The following LRMDA variants were observed in gnomAD, a reference collection of about 807,000 sequenced individuals.
The protein encoded by LRMDA is leucine-rich melanocyte differentiation-associated protein.
A neutral mutation model predicts 29.8 loss-of-function variants in LRMDA; 18 were observed. The observed-to-expected ratio is 0.60, with a 90% CI of 0.42 to 0.90. The LOEUF (loss-of-function observed/expected upper bound fraction) is 0.90. LRMDA is among the 40% of genes least tolerant of loss of function. LRMDA has a pLI of 0.00. For synonymous variants in LRMDA, 125 were observed against 109.4 expected (o/e 1.14, Z -0.89); for missense variants, 273 against 273.9 (o/e 1.00, Z 0.02).
intron 6 of LRMDA, among the ~76,000 whole-genome samples, chr10:76,418,221 G>A (rs1842036901): frequency 1.3e-5 from 2 of 151,998 alleles, no homozygotes; most frequent in African/African-American, 4.8e-5. Flanking sequence ...AATTTGTGAA[G>A]GATTGATATG....
intron 2 of LRMDA, among the ~76,000 whole-genome samples, chr10:75,523,141 A>G (rs2915023): frequency 0.8 from 121,352 of 152,178 alleles, 49,928 homozygotes; most frequent in Non-Finnish European, 0.9. Flanking sequence ...AAGCAAATGG[A>G]GTAATGTGGG....
intron 2 of LRMDA, among the ~76,000 whole-genome samples, chr10:75,832,164 G>C (rs563146785): frequency 1.3e-5 from 2 of 152,192 alleles, no homozygotes; most frequent in East Asian, 3.9e-4. Flanking sequence ...ACAAATTTTC[G>C]AAATTTTAAT....
intron 2 of LRMDA, among the ~76,000 whole-genome samples, chr10:75,751,534 C>T (rs1053319862): frequency 6.6e-6 from 1 of 152,036 alleles, no homozygotes; most frequent in African/African-American, 2.4e-5. Context: ...TTTTGTCATC[C>T]GTAAAATGAG....
At chr10:75,611,195 T>C (rs1046482754) in intron 2 of LRMDA, among the ~76,000 whole-genome samples, 1 of 152,052 alleles carries the variant, frequency 6.6e-6, no homozygotes, top group Non-Finnish European at 1.5e-5. Flanking sequence ...TCTGGACAGG[T>C]CCTGTGTAGC....
intron 5 of LRMDA, among the ~76,000 whole-genome samples, chr10:76,145,011 G>A (rs1052974859): frequency 3.3e-5 from 5 of 152,178 alleles, no homozygotes; most frequent in African/African-American, 7.2e-5. Context: ...ATTTGCATAT[G>A]TTGAACCAGC....
intron 2 of LRMDA, among the ~76,000 whole-genome samples, chr10:75,464,682 AC>A (rs376767558): frequency 2.0e-5 from 3 of 152,168 alleles, no homozygotes; most frequent in African/African-American, 7.2e-5. Flanking sequence ...CTCCTGGCAC[AC>A]TGCTGTGGAG....
At chr10:75,738,143 C>G (rs902315733) in intron 2 of LRMDA, among the ~76,000 whole-genome samples, 1 of 152,106 alleles carries the variant, frequency 6.6e-6, no homozygotes, top group Non-Finnish European at 1.5e-5. Flanking sequence ...GCCCTCTAAC[C>G]CCCTGGGGTA....
chr10:76,229,837 G>A (rs1852026972), intron 5 of LRMDA, among the ~76,000 whole-genome samples: 1 of 152,228 alleles, frequency 6.6e-6, no homozygotes, highest in East Asian at 1.9e-4. Flanking sequence ...TACTGAAGTT[G>A]TACGCATGCT....
intron 2 of LRMDA, among the ~76,000 whole-genome samples, chr10:76,015,846 A>G (rs547542031): frequency 6.6e-6 from 1 of 152,328 alleles, no homozygotes; most frequent in East Asian, 1.9e-4. Context: ...AACTTCTATT[A>G]CCAACTCCTC....
chr10:76,114,912 A>T (rs1274919604), intron 5 of LRMDA, among the ~76,000 whole-genome samples: 1 of 152,204 alleles, frequency 6.6e-6, no homozygotes, highest in African/African-American at 2.4e-5. Flanking sequence ...TTCAAACAGG[A>T]TACGAATGAA....
At chr10:76,020,629 G>A (rs1024491515) in intron 2 of LRMDA, among the ~76,000 whole-genome samples, 2 of 152,140 alleles carry the variant, frequency 1.3e-5, no homozygotes, top group African/African-American at 4.8e-5. Context: ...TGCTCAGGGG[G>A]CCCTGGGTAT....
At chr10:75,494,493 A>G (rs1282086535) in intron 2 of LRMDA, among the ~76,000 whole-genome samples, 1 of 151,210 alleles carries the variant, frequency 6.6e-6, no homozygotes, top group East Asian at 1.9e-4. Flanking sequence ...ACCAGCCGCT[A>G]AAACAAGGTT....
rs144041658 is a variant in LRMDA at position 76,382,403 on chromosome 10, G to C, written c.601+57918G>C. Among the ~76,000 whole-genome samples, 472 of 152,266 alleles carry C rather than the reference G, an allele frequency of 3.1e-3. 4 individuals carry two copies. Among genetic ancestry groups the C allele is most frequent in the African/African-American group, 0.011 (442 of 41,552 alleles). ...AACACCAACCCAAAGACAATCACTT[G>C]GTGGCCATCGTATTGCAAAAGAAGC... On this transcript the variant is annotated intron_variant, in intron 6 of 6. Coordinates refer to ENST00000611255, the MANE Select transcript of LRMDA (RefSeq NM_001305581.2).
At chr10:75,850,694 T>C (rs1424898094) in intron 2 of LRMDA, among the ~76,000 whole-genome samples, 1 of 152,194 alleles carries the variant, frequency 6.6e-6, no homozygotes, top group Non-Finnish European at 1.5e-5. Flanking sequence ...ATCACTCGGT[T>C]CGGTTCCTGC....
chr10:75,488,165 T>C (rs1247082370), intron 2 of LRMDA, among the ~76,000 whole-genome samples: 3 of 152,190 alleles, frequency 2.0e-5, no homozygotes, highest in African/African-American at 7.2e-5. Context: ...CTGAATTGTG[T>C]CTCTCAGTGG....
At chr10:75,737,387 A>G (rs1461014546) in intron 2 of LRMDA, among the ~76,000 whole-genome samples, 1 of 152,220 alleles carries the variant, frequency 6.6e-6, no homozygotes, top group African/African-American at 2.4e-5. Flanking sequence ...TCACCGTGGC[A>G]GGAACGTTGG....
At chr10:75,829,166 A>T (rs955276459) in intron 2 of LRMDA, among the ~76,000 whole-genome samples, 1 of 152,190 alleles carries the variant, frequency 6.6e-6, no homozygotes, top group Admixed American at 6.5e-5. Flanking sequence ...AGCCCTTCCC[A>T]TGAGATGATG....
At chr10:76,201,384 G>T (rs886723133) in intron 5 of LRMDA, among the ~76,000 whole-genome samples, 4 of 152,158 alleles carry the variant, frequency 2.6e-5, no homozygotes, top group Non-Finnish European at 4.4e-5. Context: ...TGAGCCCCAC[G>T]CCCGGAGTGG....
chr10:76,261,275 T>C (rs1330929508), intron 5 of LRMDA, among the ~76,000 whole-genome samples: 1 of 151,846 alleles, frequency 6.6e-6, no homozygotes, highest in African/African-American at 2.4e-5. Context: ...GGTTTCACCA[T>C]ATTAGCCAGA....
Sources: allele counts gnomAD v4.1 joint callset (sites outside exome capture counted in the v4.1 genomes callset), GRCh38; gene constraint gnomAD v4.1.1; transcripts MANE v1.5; gene names NCBI Gene and HGNC (gene_info 2026-07-23, HGNC 2026-07-21).